Variants in PGAP1 observed in about 807,000 individuals in gnomAD.
PGAP1 encodes GPI inositol-deacylase.
PGAP1 carries 76 observed loss-of-function variants against 127.0 expected under a neutral mutation model. That is an observed-to-expected ratio of 0.60 (90% CI 0.50 to 0.72). The LOEUF is 0.72. Among genes scored for constraint, PGAP1 ranks in the 30% least tolerant of loss-of-function variants. PGAP1 has a pLI of 0.00. For missense variants in PGAP1, 982 were observed against 1,071.3 expected, an observed-to-expected ratio of 0.92 and a Z score of 1.16; for synonymous variants, 362 against 366.5, an observed-to-expected ratio of 0.99 and a Z score of 0.14.
rs1053199007 is a variant in PGAP1, at chr2:196,834,734, A to C, written c.*6500T>G. On this transcript the variant is annotated 3_prime_UTR_variant, in exon 27 of 27. Transcript: ENST00000354764. Reference sequence around the variant, plus strand: ...GAAGGTTATTTCTACCAGTATTCCAACAAATACATATTTGATTATATAGAA... The same window carrying C: ...GAAGGTTATTTCTACCAGTATTCCACCAAATACATATTTGATTATATAGAA... The C allele has an allele frequency of 1.3e-5, 2 of 151,904 alleles. No individual in the cohort carries two copies. Among genetic ancestry groups the C allele is most frequent in the Non-Finnish European group, 2.9e-5 (2 of 67,842 alleles). 9.4% of individuals were successfully genotyped at this position (151,904 alleles called of 1,614,324 possible). A position where few individuals can be genotyped will look rare whatever the true frequency, so the allele number is the denominator to read the frequency against.
At chr2:196,893,087 A>C (rs1223633641) in intron 8 of PGAP1, 53 bp downstream of exon 8, 1 of 1,093,448 alleles carries the variant, frequency 9.1e-7, no homozygotes, top group Admixed American at 2.2e-5. Flanking sequence ...AATTTACCTA[A>C]GATTAATAAT....
At chr2:196,881,066 C>T (rs1158220744) in intron 12 of PGAP1, among the ~76,000 whole-genome samples, 1 of 152,114 alleles carries the variant, frequency 6.6e-6, no homozygotes, top group Non-Finnish European at 1.5e-5. Context: ...GTTCCCCCTA[C>T]ATGTCCATGT....
chr2:196,897,246 C>T (rs1015714652), intron 6 of PGAP1, 49 bp from the exon 7 acceptor site: 19 of 1,173,360 alleles, frequency 1.6e-5, no homozygotes, highest in Admixed American at 1.2e-4. Context: ...AAAACATATA[C>T]TTTTGATCAA....
chr2:196,844,067 T>A lies in PGAP1; in HGVS notation c.2346A>T (p.Lys782Asn). The A allele has an allele frequency of 6.4e-7, 1 of 1,556,988 alleles. No homozygotes were observed. The highest frequency in any genetic ancestry group is 8.7e-7 in the Non-Finnish European group (1 of 1,144,378). Residue 782 changes from lysine (K) to asparagine (N), a missense_variant, in exon 25 of 27, where the codon AAA (lysine) becomes AAT (asparagine). Lys to Asn is a moderately conservative substitution (Grantham distance 94). Coordinates refer to ENST00000354764, the MANE Select transcript of PGAP1 (RefSeq NM_024989.4). ...ATTTCTTTTCACTTCTTCTAGAGTG[T>A]TTGGGATTCTATAAAACAATAAAGT... is the stretch of plus-strand genomic sequence containing the variant. The part of the protein sequence containing the change: ...TFKNSQPVNP[K>N]HSRRSEKKSN...
intron 20 of PGAP1, among the ~76,000 whole-genome samples, chr2:196,855,325 C>CAAAAA (rs112534782): frequency 1.5e-5 from 1 of 67,150 alleles, no homozygotes; most frequent in African/African-American, 5.2e-5. Flanking sequence ...ACTCTGTCAC[C>CAAAAA]AAAAAAAAAA....
At chr2:196,898,217 C>CAA (rs369035974) in intron 6 of PGAP1, 100 bp downstream of exon 6, 2,297 of 634,258 alleles carry the variant, frequency 3.6e-3, no homozygotes, top group South Asian at 4.2e-3. Context: ...GACTCTGTCT[C>CAA]AAAAAAAAAA....
rs1335298654 is a variant in PGAP1 at position 196,926,649 on chromosome 2, C to T, written c.-33G>A. Reference sequence around the variant, plus strand: ...CCACCACCGCCGCCGCCGCCGCCGCCCCCTCTACCTCCTTCTCCGCCGCGG... The same window carrying T: ...CCACCACCGCCGCCGCCGCCGCCGCTCCCTCTACCTCCTTCTCCGCCGCGG... On this transcript the variant is annotated 5_prime_UTR_variant, in exon 1 of 27. Coordinates refer to ENST00000354764, the MANE Select transcript of PGAP1 (RefSeq NM_024989.4). The T allele has an allele frequency of 1.2e-6, 2 of 1,613,130 alleles. No individual in the cohort carries two copies. Among genetic ancestry groups the T allele is most frequent in the Non-Finnish European group, 1.7e-6 (2 of 1,179,582 alleles).
intron 8 of PGAP1, 99 bp downstream of exon 8, chr2:196,893,041 G>A (rs1702154642): frequency 1.7e-6 from 1 of 576,552 alleles, no homozygotes; most frequent in Non-Finnish European, 3.0e-6. Context: ...AAAACTTGAA[G>A]TATCACAGTT....
At chr2:196,886,055 A>C (rs563275134) in intron 10 of PGAP1, among the ~76,000 whole-genome samples, 175 bp from the exon 11 acceptor site, 1 of 152,222 alleles carries the variant, frequency 6.6e-6, no homozygotes, top group Admixed American at 6.5e-5. Context: ...TCTCAAAGTC[A>C]AATAAATCAA....
At chr2:196,861,965 T>C (rs939256351) in intron 20 of PGAP1, among the ~76,000 whole-genome samples, 1 of 151,190 alleles carries the variant, frequency 6.6e-6, no homozygotes, top group African/African-American at 2.4e-5. Context: ...GTGATAATCG[T>C]ATTAACTGCA....
At chr2:196,859,559 C>A (rs1395425766) in intron 20 of PGAP1, among the ~76,000 whole-genome samples, 1 of 151,586 alleles carries the variant, frequency 6.6e-6, no homozygotes, top group Non-Finnish European at 1.5e-5. Context: ...AATAATACAA[C>A]AAAAAAAGAA....
chr2:196,902,915 T>G (rs1332189582), intron 4 of PGAP1, among the ~76,000 whole-genome samples, 173 bp from the exon 5 acceptor site: 1 of 152,200 alleles, frequency 6.6e-6, no homozygotes, highest in Non-Finnish European at 1.5e-5. Flanking sequence ...TCTTTACACA[T>G]ATTCCTACTT....
intron 10 of PGAP1, among the ~76,000 whole-genome samples, chr2:196,889,192 A>G (rs1448340348): frequency 1.3e-5 from 2 of 152,186 alleles, no homozygotes; most frequent in Non-Finnish European, 2.9e-5. Context: ...CTGATTTGAA[A>G]TTTAGTATTA....
Position 196,893,196 on chromosome 2 carries a change from AT to A in PGAP1, c.976del (p.Ile326Ter). ...CTCAAAATGTTTTGATGGGTGTCTT[AT>A]AAAGTGGTGATACAAAACTGACAGT... ...KKLSVLYHHF[I>X]RHPSKHFEEN... On this transcript the variant is annotated frameshift_variant, in exon 8 of 27. Transcript: ENST00000354764. LOFTEE classifies it high-confidence loss of function. 6.2e-7 allele frequency: 1 copy of A among 1,602,266 alleles called. No homozygotes were observed. Among genetic ancestry groups the A allele is most frequent in the East Asian group, 2.3e-5 (1 of 44,236 alleles).
At chr2:196,849,424 T>C (rs1422349068) in intron 20 of PGAP1, among the ~76,000 whole-genome samples, 6 of 151,248 alleles carry the variant, frequency 4.0e-5, no homozygotes, top group Non-Finnish European at 8.9e-5. Flanking sequence ...CCACCACGCC[T>C]GGCTAATTTT....
intron 14 of PGAP1, among the ~76,000 whole-genome samples, chr2:196,875,423 G>C (rs1045102308): frequency 2.6e-5 from 4 of 152,082 alleles, no homozygotes. Flanking sequence ...GAGAAATCTT[G>C]AAACCTTCTT....
intron 1 of PGAP1, chr2:196,922,191 A>G: frequency 7.7e-7 from 1 of 1,297,710 alleles, no homozygotes; most frequent in Non-Finnish European, 1.0e-6. Context: ...TCATCTCTAC[A>G]TAAACTCAAA....
At chr2:196,870,299 CTTTT>C (rs762457188) in intron 19 of PGAP1, among the ~76,000 whole-genome samples, 3 of 139,802 alleles carry the variant, frequency 2.1e-5, no homozygotes, top group Admixed American at 7.2e-5. Flanking sequence ...TTCTTTCTTT[CTTTT>C]TTTTTTTTTT....
chr2:196,866,420 T>A (rs1009553765), intron 19 of PGAP1, among the ~76,000 whole-genome samples: 10 of 152,216 alleles, frequency 6.6e-5, no homozygotes, highest in African/African-American at 2.4e-4. Flanking sequence ...GCTAGCCATA[T>A]GCAGAAAACT....
Sources: gnomAD v4.1 joint callset for allele counts (sites outside exome capture counted in the v4.1 genomes callset) on GRCh38, gnomAD v4.1.1 for gene constraint, MANE v1.5 for transcripts, NCBI Gene and HGNC (gene_info 2026-07-23, HGNC 2026-07-21) for gene names.